Variants in CNTN5 observed in about 807,000 individuals in gnomAD.
The protein encoded by CNTN5 is contactin-5.
In CNTN5, 77 loss-of-function variants were observed where a neutral mutation model predicts 129.1. The observed-to-expected ratio is 0.60, with a 90% CI of 0.50 to 0.72. The LOEUF is 0.72. Among genes scored for constraint, CNTN5 ranks in the 30% least tolerant of loss-of-function variants. The pLI, the probability that CNTN5 is intolerant of heterozygous loss-of-function variation, is 0.00. For missense variants in CNTN5, 1,478 were observed against 1,328.8 expected (o/e 1.11, Z -1.75); for synonymous variants, 509 against 465.6 (o/e 1.09, Z -1.20).
chr11:99,247,154 G>C (rs1021194417), intron 1 of CNTN5, among the ~76,000 whole-genome samples: 13 of 152,060 alleles, frequency 8.5e-5, no homozygotes, highest in Non-Finnish European at 1.9e-4. Flanking sequence ...TAATTTTCTG[G>C]AGTTATTAGC....
intron 1 of CNTN5, among the ~76,000 whole-genome samples, chr11:99,105,681 A>G (rs373301147): frequency 6.6e-6 from 1 of 152,212 alleles, no homozygotes; most frequent in South Asian, 2.1e-4. Flanking sequence ...TGGGCAGTCA[A>G]GAGCCCACTT....
At chr11:99,196,657 C>T (rs1858916971) in intron 1 of CNTN5, among the ~76,000 whole-genome samples, 1 of 151,644 alleles carries the variant, frequency 6.6e-6, no homozygotes, top group Non-Finnish European at 1.5e-5. Flanking sequence ...CCTGAACTTT[C>T]CTTTGTGCCT....
At chr11:100,110,550 G>GA (rs978222414) in intron 13 of CNTN5, among the ~76,000 whole-genome samples, 11 of 151,730 alleles carry the variant, frequency 7.2e-5, no homozygotes, top group African/African-American at 1.2e-4. Flanking sequence ...CGCTAGAAGA[G>GA]AAAAAAACAC....
intron 1 of CNTN5, among the ~76,000 whole-genome samples, chr11:99,136,635 C>T (rs1005334466): frequency 6.6e-6 from 1 of 152,052 alleles, no homozygotes; most frequent in African/African-American, 2.4e-5. Context: ...CTGAAATATG[C>T]TTTTATGTAC....
intron 3 of CNTN5, among the ~76,000 whole-genome samples, chr11:99,608,008 C>G (rs1182643454): frequency 7.2e-6 from 1 of 138,016 alleles, no homozygotes; most frequent in African/African-American, 2.8e-5. Context: ...CTAGATGACA[C>G]ATTAGTGGGT....
intron 21 of CNTN5, among the ~76,000 whole-genome samples, chr11:100,339,842 A>G (rs1383601610): frequency 1.3e-5 from 2 of 152,176 alleles, no homozygotes; most frequent in Non-Finnish European, 2.9e-5. Context: ...GCCAGTTACC[A>G]TAAGCTCCTA....
intron 9 of CNTN5, among the ~76,000 whole-genome samples, chr11:100,039,982 C>T (rs1414364419): frequency 6.6e-6 from 1 of 152,222 alleles, no homozygotes; most frequent in East Asian, 1.9e-4. Flanking sequence ...CAAAGTCATT[C>T]TCCATCCAGC....
At chr11:99,337,869 TA>T (rs35852728) in intron 2 of CNTN5, among the ~76,000 whole-genome samples, 150,681 of 152,226 alleles carry the variant, frequency 0.99, 74,595 homozygotes, top group Middle Eastern at 1. Flanking sequence ...TATAAAAGTT[TA>T]AAAAAATCAA....
At chr11:99,021,676 G>A (rs1862875821) in intron 1 of CNTN5, among the ~76,000 whole-genome samples, 1 of 152,180 alleles carries the variant, frequency 6.6e-6, no homozygotes, top group Non-Finnish European at 1.5e-5. Context: ...TTATGTTTGA[G>A]CAATGAGTTT....
chr11:100,036,237 TTG>T (rs1941993829), intron 9 of CNTN5, among the ~76,000 whole-genome samples: 1 of 152,184 alleles, frequency 6.6e-6, no homozygotes, highest in Admixed American at 6.5e-5. Context: ...CCTTTCCCCA[TTG>T]CTTGTTTTTG....
intron 9 of CNTN5, among the ~76,000 whole-genome samples, chr11:100,006,142 C>G (rs1052787268): frequency 3.9e-5 from 6 of 152,068 alleles, no homozygotes; most frequent in African/African-American, 1.4e-4. Flanking sequence ...TACATACATA[C>G]AACAATTTAC....
chr11:100,149,291 T>TTGAAAATAGCTAAATGA (rs1946964949), intron 13 of CNTN5, among the ~76,000 whole-genome samples: 2 of 152,142 alleles, frequency 1.3e-5, no homozygotes, highest in African/African-American at 4.8e-5. Context: ...GCATCAGACC[T>TTGAAAATAGCTAAATGA]TGAAAATAGC....
At chr11:100,090,455 TTCTC>T (rs1216621825) in intron 13 of CNTN5, among the ~76,000 whole-genome samples, 2 of 91,744 alleles carry the variant, frequency 2.2e-5, no homozygotes, top group African/African-American at 5.5e-5. Context: ...CTTCCTCTCT[TTCTC>T]TTTCTTTCTT....
chr11:99,307,836 G>A (rs1209128768), intron 1 of CNTN5, among the ~76,000 whole-genome samples: 1 of 152,100 alleles, frequency 6.6e-6, no homozygotes, highest in Admixed American at 6.6e-5. Context: ...AGGGCCATGG[G>A]AATATTTTCA....
chr11:100,193,675 C>A lies in CNTN5; in HGVS notation c.1884+12C>A. The A allele has an allele frequency of 1.2e-6, 2 of 1,602,004 alleles. No individual in the cohort carries two copies. Among genetic ancestry groups the A allele is most frequent in the Non-Finnish European group, 1.7e-6 (2 of 1,175,030 alleles). ...AAAGCATCAGGGCCGTAAGTGAATA[C>A]ACTTTTATTCTTTTAGTAATGATAA... On this transcript the variant is annotated intron_variant, in intron 15 of 24. Transcript: ENST00000524871.
intron 16 of CNTN5, among the ~76,000 whole-genome samples, chr11:100,227,936 T>A (rs2138638561): frequency 6.6e-6 from 1 of 152,266 alleles, no homozygotes; most frequent in South Asian, 2.1e-4. Flanking sequence ...TCAGAAGTGA[T>A]CAAACACAAA....
chr11:99,082,674 C>T (rs185455964), intron 1 of CNTN5, among the ~76,000 whole-genome samples: 120 of 152,204 alleles, frequency 7.9e-4, no homozygotes, highest in Non-Finnish European at 1.2e-3. Flanking sequence ...AGACACAATT[C>T]TAAGTGTTAT....
At chr11:100,257,831 G>GA (rs1340914279) in intron 17 of CNTN5, among the ~76,000 whole-genome samples, 1 of 152,086 alleles carries the variant, frequency 6.6e-6, no homozygotes, top group Non-Finnish European at 1.5e-5. Flanking sequence ...CAAAGATGAG[G>GA]AAAAAACAGC....
At chr11:100,127,347 A>G (rs894294754) in intron 13 of CNTN5, among the ~76,000 whole-genome samples, 3 of 151,948 alleles carry the variant, frequency 2.0e-5, no homozygotes, top group Non-Finnish European at 4.4e-5. Context: ...AAAGATGATG[A>G]TAACAATCCT....
Sources: gnomAD v4.1 joint callset for allele counts (sites outside exome capture counted in the v4.1 genomes callset) on GRCh38, gnomAD v4.1.1 for gene constraint, MANE v1.5 for transcripts, NCBI Gene and HGNC (gene_info 2026-07-23, HGNC 2026-07-21) for gene names.